The following CNTN5 variants were observed in gnomAD, a reference collection of about 807,000 sequenced individuals.
The protein encoded by CNTN5 is contactin-5.
Under a neutral mutation model 129.1 loss-of-function variants are expected in CNTN5, and 77 were observed. The observed-to-expected ratio is 0.60, with a 90% CI of 0.50 to 0.72. CNTN5 has a LOEUF of 0.72. Among genes scored for constraint, CNTN5 ranks in the 30% least tolerant of loss-of-function variants. The probability of loss-of-function intolerance (pLI) is 0.00; values close to 1 mark genes in which losing one functional copy is unlikely to be tolerated. For missense variants in CNTN5, 1,478 were observed against 1,328.8 expected (o/e 1.11, Z -1.75); for synonymous variants, 509 against 465.6 (o/e 1.09, Z -1.20).
chr11:100,095,640 A>G (rs1307398913), intron 13 of CNTN5, among the ~76,000 whole-genome samples: 4 of 152,114 alleles, frequency 2.6e-5, no homozygotes, highest in Non-Finnish European at 4.4e-5. Flanking sequence ...ATGTTGTTTG[A>G]AATAAAGTTT....
At chr11:100,203,792 G>C (rs910333536) in intron 15 of CNTN5, among the ~76,000 whole-genome samples, 1 of 31,018 alleles carries the variant, frequency 3.2e-5, no homozygotes, top group African/African-American at 1.5e-4. Context: ...TTACATAAAT[G>C]TGCACGTACA....
intron 1 of CNTN5, among the ~76,000 whole-genome samples, chr11:99,322,127 T>C (rs1304369397): frequency 2.6e-5 from 4 of 152,150 alleles, no homozygotes; most frequent in Non-Finnish European, 5.9e-5. Flanking sequence ...TTGGCTTAAA[T>C]GACAGAAAAT....
At chr11:100,087,474 A>G (rs1000090494) in intron 13 of CNTN5, among the ~76,000 whole-genome samples, 2 of 151,900 alleles carry the variant, frequency 1.3e-5, no homozygotes, top group African/African-American at 4.8e-5. Context: ...AACCCTAACA[A>G]CAAAATTTGC....
At chr11:99,837,515 G>A (rs967170551) in intron 4 of CNTN5, among the ~76,000 whole-genome samples, 5 of 151,816 alleles carry the variant, frequency 3.3e-5, no homozygotes, top group Non-Finnish European at 7.4e-5. Context: ...ATAAAAGATT[G>A]TGCATGACTT....
chr11:99,481,799 C>T (rs1228648230), intron 2 of CNTN5, among the ~76,000 whole-genome samples: 4 of 152,066 alleles, frequency 2.6e-5, no homozygotes, highest in Non-Finnish European at 2.9e-5. Context: ...TATTTTCTCC[C>T]CTGTGCCAGA....
rs1483674581 is a variant in CNTN5, at chr11:99,051,665, C to A, written c.-210+30395C>A. 2.0e-5 allele frequency among the ~76,000 whole-genome samples: 3 copies of A among 151,854 alleles called. No individual in the cohort carries two copies. In the East Asian group the frequency reaches 5.8e-4, roughly 29 times the overall value. Reference sequence around the variant, plus strand: ...GAAGTAAAATATTTGCTGAGAGAATCACTGACTTATCATCTAATGAAGGAG... The same window carrying A: ...GAAGTAAAATATTTGCTGAGAGAATAACTGACTTATCATCTAATGAAGGAG... On this transcript the variant is annotated intron_variant, in intron 1 of 24. Coordinates refer to ENST00000524871, the MANE Select transcript of CNTN5 (RefSeq NM_014361.4).
intron 1 of CNTN5, among the ~76,000 whole-genome samples, chr11:99,031,675 A>T (rs1863380305): frequency 6.6e-6 from 1 of 152,126 alleles, no homozygotes; most frequent in Admixed American, 6.5e-5. Flanking sequence ...TTTCACCTGA[A>T]ACAAAGGTGT....
chr11:99,297,729 C>T (rs1011384796), intron 1 of CNTN5, among the ~76,000 whole-genome samples: 4 of 152,086 alleles, frequency 2.6e-5, no homozygotes, highest in African/African-American at 9.7e-5. Context: ...TCTTGATTAA[C>T]CTGGCCAATG....
intron 3 of CNTN5, among the ~76,000 whole-genome samples, chr11:99,717,842 A>T (rs1327113529): frequency 1.3e-5 from 2 of 152,174 alleles, no homozygotes; most frequent in Non-Finnish European, 2.9e-5. Flanking sequence ...AAAAATATTC[A>T]GAATGATACA....
intron 1 of CNTN5, among the ~76,000 whole-genome samples, chr11:99,278,463 T>C (rs1397426948): frequency 1.3e-5 from 2 of 151,702 alleles, no homozygotes; most frequent in African/African-American, 2.4e-5. Context: ...TAGATTTTCA[T>C]AAAAAACCAT....
At position 100,320,435 on chromosome 11, in the gene CNTN5, A is replaced by G. The variant is rs535407735; in HGVS notation, c.2730+11967A>G. Among the ~76,000 whole-genome samples, 5 of 152,172 alleles carry G rather than the reference A, an allele frequency of 3.3e-5. No individual in the cohort carries two copies. The South Asian group carries it at 1.0e-3, about 32-fold the overall frequency. On this transcript the variant is annotated intron_variant, in intron 21 of 24. Coordinates refer to ENST00000524871, the MANE Select transcript of CNTN5 (RefSeq NM_014361.4). Reference sequence around the variant, plus strand: ...GAGTTGAGTTGCATATATATTTTGAATGTTAATCCCTTATCAAATGTAGAG... The same window carrying G: ...GAGTTGAGTTGCATATATATTTTGAGTGTTAATCCCTTATCAAATGTAGAG...
intron 1 of CNTN5, among the ~76,000 whole-genome samples, chr11:99,058,049 G>A (rs1331327236): frequency 6.6e-6 from 1 of 151,978 alleles, no homozygotes; most frequent in African/African-American, 2.4e-5. Flanking sequence ...AGAGGAGGCA[G>A]GTTTAGTTTA....
intron 2 of CNTN5, among the ~76,000 whole-genome samples, chr11:99,507,025 T>G (rs1209990847): frequency 1.3e-5 from 2 of 152,302 alleles, no homozygotes; most frequent in Non-Finnish European, 1.5e-5. Flanking sequence ...TTCAGATGTT[T>G]TAGTTTCCAT....
intron 3 of CNTN5, among the ~76,000 whole-genome samples, chr11:99,677,017 G>A (rs1953317523): frequency 6.6e-6 from 1 of 151,930 alleles, no homozygotes; most frequent in Admixed American, 6.6e-5. Context: ...AGCTAAAAAT[G>A]TTGTTATATT....
At chr11:99,645,006 C>T (rs1343864660) in intron 3 of CNTN5, among the ~76,000 whole-genome samples, 1 of 151,300 alleles carries the variant, frequency 6.6e-6, no homozygotes, top group Non-Finnish European at 1.5e-5. Flanking sequence ...GTGGCTTATG[C>T]CTGTAATCCC....
chr11:99,868,674 A>G (rs888234964), intron 6 of CNTN5, among the ~76,000 whole-genome samples: 1 of 152,184 alleles, frequency 6.6e-6, no homozygotes, highest in African/African-American at 2.4e-5. Context: ...GAGTGAATGG[A>G]AGTAGGAAGT....
chr11:99,855,083 A>C (rs1308202040), intron 6 of CNTN5, among the ~76,000 whole-genome samples: 1 of 152,040 alleles, frequency 6.6e-6, no homozygotes, highest in African/African-American at 2.4e-5. Context: ...CTGAGGCAGG[A>C]AGATCACTTG....
rs185164375 is a variant in CNTN5, at chr11:100,257,041, T to C, written c.2164+1123T>C. ...CACCCCCATGGAGCCCAGCAAGCTA[T>C]AAGATTCACGAAATTCTCAACAGTC... On this transcript the variant is annotated intron_variant, in intron 17 of 24. Transcript: ENST00000524871. 1.7e-3 allele frequency among the ~76,000 whole-genome samples: 253 copies of C among 152,226 alleles called. 4 individuals carry two copies. The highest frequency in any genetic ancestry group is 7.8e-4 in the East Asian group (4 of 5,138).
chr11:99,789,113 T>G (rs564312230), intron 3 of CNTN5, among the ~76,000 whole-genome samples: 1 of 151,948 alleles, frequency 6.6e-6, no homozygotes, highest in African/African-American at 2.4e-5. Context: ...CTATGTTACT[T>G]TGAAGAATCA....
Sources: allele counts gnomAD v4.1 joint callset (sites outside exome capture counted in the v4.1 genomes callset), GRCh38; gene constraint gnomAD v4.1.1; transcripts MANE v1.5; gene names NCBI Gene and HGNC (gene_info 2026-07-23, HGNC 2026-07-21).